The following TFAP2B variants were observed in gnomAD, a reference collection of about 807,000 sequenced individuals.
TFAP2B encodes transcription factor AP-2-beta.
A neutral mutation model predicts 44.3 loss-of-function variants in TFAP2B; 9 were observed. That is an observed-to-expected ratio of 0.20 (90% confidence interval 0.12 to 0.35). TFAP2B has a LOEUF of 0.35. Ranked by LOEUF, TFAP2B falls within the 10% of genes least tolerant of loss-of-function variation. TFAP2B has a pLI of 1.00. For synonymous variants in TFAP2B, 270 were observed against 263.8 expected, an observed-to-expected ratio of 1.02 and a Z score of -0.23; for missense variants, 509 against 600.0, an observed-to-expected ratio of 0.85 and a Z score of 1.59.
At chr6:50,824,564 T>C (rs1020332902) in intron 2 of TFAP2B, among the ~76,000 whole-genome samples, 10 of 152,238 alleles carry the variant, frequency 6.6e-5, no homozygotes, top group African/African-American at 1.2e-4. Flanking sequence ...GAAATTCTTT[T>C]CACTTTTTGG....
chr6:50,830,904 C>A (rs1228032318), intron 3 of TFAP2B, among the ~76,000 whole-genome samples: 1 of 152,106 alleles, frequency 6.6e-6, no homozygotes, highest in Non-Finnish European at 1.5e-5. Context: ...AATTTCAACA[C>A]CTAGAAGAAG....
In TFAP2B at chr6:50,823,537, C is replaced by A; in HGVS notation, c.212C>A (p.Pro71Gln). ...TCGGACTTCCAGCCGCCCTACTTCCCACCCCCCTACCAGCCGCTCCCCTAC... is the reference window on the plus strand; with the variant it reads ...TCGGACTTCCAGCCGCCCTACTTCCAACCCCCCTACCAGCCGCTCCCCTAC... ...PSSDFQPPYF[P>Q]PPYQPLPYHQ... The change falls in exon 2 of 7, where the codon CCA becomes CAA. Residue 71 changes from proline (P) to glutamine (Q), a missense_variant. Pro to Gln is a moderately conservative substitution (Grantham distance 76). Around this residue, in one of 3 missense-constraint regions of TFAP2B, gnomAD observed 296 missense variants for 308.2 expected, o/e 0.96. Transcript: ENST00000393655. 1 of 1,613,948 alleles carries A rather than the reference C, an allele frequency of 6.2e-7. No individual in the cohort carries two copies. The highest frequency in any genetic ancestry group is 8.5e-7 in the Non-Finnish European group (1 of 1,179,984).
chr6:50,836,329 A>T, intron 4 of TFAP2B, 49 bp downstream of exon 4: 1 of 1,493,770 alleles, frequency 6.7e-7, no homozygotes, highest in Non-Finnish European at 9.2e-7. Flanking sequence ...ACAAACAAAA[A>T]CCCACCAGTT....
Position 50,823,460 on chromosome 6 carries a change from G to C in TFAP2B, c.135G>C (p.Ser45=). The change falls in exon 2 of 7, where the codon TCG becomes TCC. Residue 45 remains serine, a synonymous_variant. Transcript: ENST00000393655. ...GCTCGCGGCTCTCCCAGCTGGGCTC[G>C]GTGTCCCAAGGACCCTACTCGAGCG... ...SHSSRLSQLG[S]VSQGPYSSAP... 6.2e-7 allele frequency: 1 copy of C among 1,610,506 alleles called. No individual in the cohort carries two copies. Among genetic ancestry groups the C allele is most frequent in the Non-Finnish European group, 8.5e-7 (1 of 1,178,682 alleles).
In TFAP2B at chr6:50,843,548, CT is replaced by C; in HGVS notation, c.*158del. The C allele has an allele frequency of 2.4e-6, 2 of 850,760 alleles. No individual in the cohort carries two copies. The highest frequency in any genetic ancestry group is 1.9e-5 in the South Asian group (1 of 51,306). The allele number at this position is 850,760 out of a possible 1,614,324, so 52.7% of individuals were successfully genotyped here. On this transcript the variant is annotated 3_prime_UTR_variant, in exon 7 of 7. Coordinates refer to ENST00000393655, the MANE Select transcript of TFAP2B (RefSeq NM_003221.4). The stretch of plus-strand genomic sequence containing the variant: ...AATTTTAAAAAAAAAAGCTAAATAA[CT>C]TAAAAAAAAACTGAGGCGTACAACG...
chr6:50,837,564 C>T (rs539037253), intron 4 of TFAP2B, among the ~76,000 whole-genome samples: 4 of 152,268 alleles, frequency 2.6e-5, no homozygotes, highest in East Asian at 3.9e-4. Flanking sequence ...GCAGCAAGTG[C>T]GCTCTCCTCT....
chr6:50,823,603 A>G lies in TFAP2B; in HGVS notation c.278A>G (p.Tyr93Cys). The change falls in exon 2 of 7, where the codon TAC (tyrosine) becomes TGC (cysteine). Residue 93 changes from tyrosine to cysteine, a missense_variant. By Grantham distance (194) the Tyr-to-Cys change is radical. Coordinates refer to ENST00000393655, the MANE Select transcript of TFAP2B (RefSeq NM_003221.4). ...CCCTACTCCCACGTCAACGACCCCT[A>G]CTCCCTGAACCCACTGCACCAGCCC... ...QDPYSHVNDP[Y>C]SLNPLHQPQQ... The G allele has an allele frequency of 6.2e-7, 1 of 1,611,818 alleles. No homozygotes were observed. Among genetic ancestry groups the G allele is most frequent in the Non-Finnish European group, 8.5e-7 (1 of 1,179,574 alleles).
chr6:50,823,040 A>C (rs186282368), intron 1 of TFAP2B, among the ~76,000 whole-genome samples: 2 of 152,302 alleles, frequency 1.3e-5, no homozygotes, highest in African/African-American at 4.8e-5. Context: ...GACTCCTACA[A>C]TTTTAATTAA....
At position 50,846,164 on chromosome 6, in the gene TFAP2B, C is replaced by T. The variant is rs1762845194; in HGVS notation, c.*2772C>T. ...TGCCAGACGCCCTCATTTGTGTGTT[C>T]CTCCTTGCTCCAGCGAGATAGAACC... On this transcript the variant is annotated 3_prime_UTR_variant, in exon 7 of 7. Coordinates refer to ENST00000393655, the MANE Select transcript of TFAP2B (RefSeq NM_003221.4). 6.6e-6 allele frequency: 1 copy of T among 152,330 alleles called. No homozygotes were observed. The allele number at this position is 152,330 out of a possible 1,614,324, so 9.4% of individuals were successfully genotyped here.
intron 1 of TFAP2B, 50 bp from the exon 2 acceptor site, chr6:50,823,353 CTCTT>C (rs1481106803): frequency 6.9e-7 from 1 of 1,456,250 alleles, no homozygotes; most frequent in Non-Finnish European, 9.4e-7. Flanking sequence ...GCCTCTATCT[CTCTT>C]TCTCTGTCTC....
chr6:50,823,755 G>C lies in TFAP2B; in HGVS notation c.430G>C (p.Val144Leu). The C allele has an allele frequency of 4.4e-6, 7 of 1,605,902 alleles. No homozygotes were observed. The highest frequency in any genetic ancestry group is 6.0e-6 in the Non-Finnish European group (7 of 1,176,164). Reference protein sequence around the residue: ...GLDPRRDYHSVRRPDVLLHSA... With the variant: ...GLDPRRDYHSLRRPDVLLHSA... ...TGACCCCCGGAGGGACTACCACTCG[G>C]TCCGCCGGCCGGACGTGCTGCTGCA... Residue 144 changes from valine to leucine, a missense_variant, in exon 2 of 7, where the codon GTC becomes CTC. Coordinates refer to ENST00000393655, the MANE Select transcript of TFAP2B (RefSeq NM_003221.4).
At chr6:50,828,715 C>A (rs1334020416) in intron 3 of TFAP2B, 36 bp downstream of exon 3, 3 of 1,608,876 alleles carry the variant, frequency 1.9e-6, no homozygotes, top group Non-Finnish European at 2.6e-6. Context: ...AAGCAAAGTT[C>A]TCTCATGCAT....
At chr6:50,821,202 A>G (rs1469753309) in intron 1 of TFAP2B, among the ~76,000 whole-genome samples, 1 of 152,240 alleles carries the variant, frequency 6.6e-6, no homozygotes, top group Non-Finnish European at 1.5e-5. Context: ...CGTATGTTTT[A>G]AATTGAGGTA....
Position 50,843,769 on chromosome 6 carries a change from CGTT to C in TFAP2B, c.*379_*381del. ...ACTTATTGGAAGAAAATCGGAGAAACGTTGGTGTCAATGCTTTGAGAGCTGGTT... is the reference window on the plus strand; with the variant it reads ...ACTTATTGGAAGAAAATCGGAGAAACGGTGTCAATGCTTTGAGAGCTGGTT... On this transcript the variant is annotated 3_prime_UTR_variant, in exon 7 of 7. Transcript: ENST00000393655. The C allele has an allele frequency of 5.4e-6, 1 of 184,024 alleles. No homozygotes were observed. The highest frequency in any genetic ancestry group is 1.1e-5 in the Non-Finnish European group (1 of 88,728). 11.4% of individuals were successfully genotyped at this position (184,024 alleles called of 1,614,324 possible).
chr6:50,830,133 G>A (rs569242426), intron 3 of TFAP2B, among the ~76,000 whole-genome samples: 2 of 152,016 alleles, frequency 1.3e-5, no homozygotes, highest in Non-Finnish European at 2.9e-5. Context: ...GGGTGGGGTC[G>A]GGGAGGAGCT....
chr6:50,840,337 CT>C, intron 6 of TFAP2B, 40 bp downstream of exon 6: 1 of 1,609,720 alleles, frequency 6.2e-7, no homozygotes. Flanking sequence ...TCACTCCCAG[CT>C]GGCTAGGCCA....
At position 50,831,017 on chromosome 6, in the gene TFAP2B, T is replaced by C. The variant is rs143467020; in HGVS notation, c.601+2338T>C. Among the ~76,000 whole-genome samples the C allele has an allele frequency of 1.1e-3, 174 of 152,340 alleles. 1 individual carries two copies. The highest frequency in any genetic ancestry group is 3.7e-3 in the African/African-American group (155 of 41,586). On this transcript the variant is annotated intron_variant, in intron 3 of 6. Transcript: ENST00000393655. ...CAAGTGGTCTAGGTTTGGGGGTCTC[T>C]GAGTCTGTGTTTATGAAGCTAGAAG...
chr6:50,836,294 G>GAAAAAC lies in TFAP2B; in HGVS notation c.821+32_821+37dup. The GAAAAAC allele has an allele frequency of 1.2e-6, 2 of 1,604,224 alleles. No individual in the cohort carries two copies. Among genetic ancestry groups the GAAAAAC allele is most frequent in the Non-Finnish European group, 1.7e-6 (2 of 1,173,348 alleles). ...AGTCCTCAGAAGGTAACCCCACCACGAAAAACAAAAACAAAAACAAAAAAA... is the reference window on the plus strand; with the variant it reads ...AGTCCTCAGAAGGTAACCCCACCACGAAAAACAAAAACAAAAACAAAAACAAAAAAA... On this transcript the variant is annotated intron_variant, in intron 4 of 6. Transcript: ENST00000393655.
chr6:50,840,396 G>C, intron 6 of TFAP2B, 99 bp downstream of exon 6: 1 of 1,487,020 alleles, frequency 6.7e-7, no homozygotes, highest in Non-Finnish European at 9.3e-7. Context: ...AGAAGCCAGA[G>C]GGTTGTCTAG....
Sources: allele counts gnomAD v4.1 joint callset (sites outside exome capture counted in the v4.1 genomes callset), GRCh38; gene constraint gnomAD v4.1.1; regional missense constraint gnomAD v4.1.1; transcripts MANE v1.5; gene names NCBI Gene and HGNC (gene_info 2026-07-23, HGNC 2026-07-21).